TET2: variants seen among roughly 807,000 people sequenced by gnomAD.
The protein encoded by TET2 is methylcytosine dioxygenase TET2.
TET2 carries 299 observed loss-of-function variants against 142.9 expected under a neutral mutation model. The ratio of observed to expected loss-of-function variants is 2.09; its 90% CI spans 1.90 to 2.30. The LOEUF is 2.30. Ranked by LOEUF, TET2 falls within the 30% of genes most tolerant of loss-of-function variation. The pLI is 0.00. For synonymous variants in TET2, 819 were observed against 849.0 expected (o/e 0.96, Z 0.61); for missense variants, 2,418 against 2,378.0 (o/e 1.02, Z -0.35).
rs779248677 is a variant in TET2 at position 105,236,685 on chromosome 4, G to GCT, written c.2745_2746dup (p.Gln916LeufsTer6). 1 of 1,614,104 alleles carries GCT rather than the reference G, an allele frequency of 6.2e-7. No homozygotes were observed. ...GTCTGGTCAACAAGCTGCGCAACTTGCTCAGCAAAGGTACTTGATACATAA... is the reference window on the plus strand; with the variant it reads ...GTCTGGTCAACAAGCTGCGCAACTTGCTCTCAGCAAAGGTACTTGATACATAA... On this transcript the variant is annotated frameshift_variant, in exon 3 of 11. Coordinates refer to ENST00000380013, the MANE Select transcript of TET2 (RefSeq NM_001127208.3). LOFTEE classifies it high-confidence loss of function.
intron 9 of TET2, among the ~76,000 whole-genome samples, chr4:105,271,409 C>G (rs1364110192): frequency 2.0e-5 from 3 of 152,050 alleles, no homozygotes; most frequent in Non-Finnish European, 4.4e-5. Flanking sequence ...AGGAAGGTGA[C>G]AGAGAGTAAG....
chr4:105,246,095 G>A (rs1341859559), intron 6 of TET2, among the ~76,000 whole-genome samples: 2 of 152,056 alleles, frequency 1.3e-5, no homozygotes, highest in Non-Finnish European at 2.9e-5. Flanking sequence ...GCTCATTTTT[G>A]TATTTTTAGT....
chr4:105,153,694 A>G (rs1360057296), intron 1 of TET2, among the ~76,000 whole-genome samples: 1 of 152,246 alleles, frequency 6.6e-6, no homozygotes, highest in Non-Finnish European at 1.5e-5. Flanking sequence ...CTTAGCCAGC[A>G]TTTGAGTTAA....
intron 9 of TET2, among the ~76,000 whole-genome samples, chr4:105,271,882 T>C (rs1212470559): frequency 6.6e-6 from 1 of 152,212 alleles, no homozygotes; most frequent in East Asian, 1.9e-4. Context: ...TACCCACTTA[T>C]ATGGTCATAT....
Position 105,234,971 on chromosome 4 carries a change from C to T in TET2, c.1029C>T (p.Thr343=). 1 of 1,613,898 alleles carries T rather than the reference C, an allele frequency of 6.2e-7. No homozygotes were observed. Among genetic ancestry groups the T allele is most frequent in the Non-Finnish European group, 8.5e-7 (1 of 1,179,928 alleles). ...PSPAENNIQG[T]TKLASGEEFC... ...CTGCAGAAAATAACATCCAGGGAAC[C>T]ACAAAGCTAGCGTCTGGTGAAGAAT... is the stretch of plus-strand genomic sequence containing the variant. The change falls in exon 3 of 11, where the codon ACC becomes ACT. Residue 343 remains threonine (T), a synonymous_variant. Coordinates refer to ENST00000380013, the MANE Select transcript of TET2 (RefSeq NM_001127208.3).
intron 8 of TET2, among the ~76,000 whole-genome samples, chr4:105,267,590 T>C (rs1428954790): frequency 8.9e-6 from 1 of 111,770 alleles, no homozygotes; most frequent in African/African-American, 3.4e-5. Context: ...GACAGAAAAA[T>C]GAAATCAATC....
intron 2 of TET2, among the ~76,000 whole-genome samples, chr4:105,222,984 A>G (rs1055016766): frequency 6.6e-6 from 1 of 152,104 alleles, no homozygotes; most frequent in Non-Finnish European, 1.5e-5. Context: ...TCCTTTCCCC[A>G]TTTCTTGTTT....
chr4:105,186,322 C>A lies in TET2; in HGVS notation c.-192-4038C>A, dbSNP rs142921379. Among the ~76,000 whole-genome samples, 301 of 151,884 alleles carry A rather than the reference C, an allele frequency of 2.0e-3. 3 individuals carry two copies. Among genetic ancestry groups the A allele is most frequent in the African/African-American group, 7.2e-3 (296 of 41,376 alleles). ...CTCATCGGCTTAGATTTTTCTTTAACCCCCTTCATGGCCCTTATCTTAACC... is the reference window on the plus strand; with the variant it reads ...CTCATCGGCTTAGATTTTTCTTTAAACCCCTTCATGGCCCTTATCTTAACC... On this transcript the variant is annotated intron_variant, in intron 1 of 10. Transcript: ENST00000380013.
chr4:105,276,424 G>T lies in TET2; in HGVS notation c.5914G>T (p.Ala1972Ser). Residue 1972 changes from alanine (A) to serine (S), a missense_variant, in exon 11 of 11, where the codon GCC (alanine) becomes TCC (serine). Transcript: ENST00000380013. ...TTACCTGCGTTTCATCAAGTCTCTT[G>T]CCGAAAGGACCATGTCCGTGACCAC... ...PTYLRFIKSL[A>S]ERTMSVTTDS... The T allele has an allele frequency of 6.4e-7, 1 of 1,551,908 alleles. No homozygotes were observed. Among genetic ancestry groups the T allele is most frequent in the Non-Finnish European group, 8.7e-7 (1 of 1,147,028 alleles).
At chr4:105,158,181 G>A (rs566376528) in intron 1 of TET2, among the ~76,000 whole-genome samples, 125 of 152,104 alleles carry the variant, frequency 8.2e-4, no homozygotes, top group African/African-American at 2.8e-3. Flanking sequence ...ACACTTCTTG[G>A]GTTTTGTTGA....
chr4:105,234,735 A>C lies in TET2; in HGVS notation c.793A>C (p.Thr265Pro), dbSNP rs755442762. The C allele has an allele frequency of 1.2e-6, 2 of 1,613,944 alleles. No homozygotes were observed. The highest frequency in any genetic ancestry group is 2.2e-5 in the South Asian group (2 of 91,074). ...TACTAATGAGTTGTCCTGTGAGATCACTCACCCATCGCATACCTCAGGGCA... is the reference window on the plus strand; with the variant it reads ...TACTAATGAGTTGTCCTGTGAGATCCCTCACCCATCGCATACCTCAGGGCA... Reference protein sequence around the residue: ...QATNELSCEITHPSHTSGQIN... With the variant: ...QATNELSCEIPHPSHTSGQIN... The change falls in exon 3 of 11, where the codon ACT becomes CCT. Residue 265 changes from threonine to proline, a missense_variant. By Grantham distance (38) the Thr-to-Pro change is conservative. Transcript: ENST00000380013.
Position 105,276,700 on chromosome 4 carries a change from G to T in TET2, c.*181G>T. Reference sequence around the variant, plus strand: ...TTACCATAGCACTTAATTTTCACTGGCTCCCAAGTGGTCACAGATGGCATC... The same window carrying T: ...TTACCATAGCACTTAATTTTCACTGTCTCCCAAGTGGTCACAGATGGCATC... On this transcript the variant is annotated 3_prime_UTR_variant, in exon 11 of 11. Transcript: ENST00000380013. 3.1e-6 allele frequency: 2 copies of T among 647,264 alleles called. No individual in the cohort carries two copies. Among genetic ancestry groups the T allele is most frequent in the Non-Finnish European group, 5.0e-6 (2 of 402,904 alleles). 40.1% of individuals were successfully genotyped at this position (647,264 alleles called of 1,614,324 possible).
intron 3 of TET2, chr4:105,240,584 T>G (rs973889668): frequency 9.3e-7 from 1 of 1,079,414 alleles, no homozygotes; most frequent in African/African-American, 1.6e-5. Context: ...GGACTCCTAC[T>G]GTCCCTCTTT....
intron 1 of TET2, among the ~76,000 whole-genome samples, chr4:105,169,952 ATACCAGTACCATGCTGTTT>A (rs777758969): frequency 3.9e-5 from 6 of 151,990 alleles, no homozygotes; most frequent in Non-Finnish European, 8.8e-5. Context: ...ACCTATTTTT[ATACCAGTACCATGCTGTTT>A]TGGTGTCTAT....
chr4:105,256,272 A>G (rs1730126760), intron 6 of TET2, among the ~76,000 whole-genome samples: 2 of 152,190 alleles, frequency 1.3e-5, no homozygotes, highest in Non-Finnish European at 1.5e-5. Flanking sequence ...AGCCTGAAGT[A>G]TACATTTAGT....
intron 1 of TET2, among the ~76,000 whole-genome samples, chr4:105,188,011 A>G (rs996260194): frequency 1.6e-4 from 24 of 152,292 alleles, no homozygotes; most frequent in African/African-American, 5.5e-4. Flanking sequence ...TAGGGATTCC[A>G]CTCTCAAGAG....
At chr4:105,165,687 A>G (rs995606539) in intron 1 of TET2, among the ~76,000 whole-genome samples, 12 of 152,352 alleles carry the variant, frequency 7.9e-5, no homozygotes, top group Middle Eastern at 6.8e-3. Context: ...TGCCATGTAT[A>G]AGTTGGGATA....
chr4:105,234,612 G>A lies in TET2; in HGVS notation c.670G>A (p.Glu224Lys), dbSNP rs758723599. 4 of 1,614,046 alleles carry A rather than the reference G, an allele frequency of 2.5e-6. No homozygotes were observed. The highest frequency in any genetic ancestry group is 3.4e-6 in the Non-Finnish European group (4 of 1,179,994). ...CTCTTCCGTGGAACACACACATGGT[G>A]AACTCCTGGAAAAAACACTGTCTCA... ...SASSVEHTHG[E>K]LLEKTLSQYY... is the part of the protein sequence containing the mutation. The change falls in exon 3 of 11, where the codon GAA becomes AAA. Residue 224 changes from glutamate (E) to lysine (K), a missense_variant. Glu to Lys is a moderately conservative substitution (Grantham distance 56, BLOSUM62 1). Coordinates refer to ENST00000380013, the MANE Select transcript of TET2 (RefSeq NM_001127208.3).
chr4:105,148,510 A>G (rs998151032), intron 1 of TET2, among the ~76,000 whole-genome samples: 20 of 152,354 alleles, frequency 1.3e-4, no homozygotes, highest in African/African-American at 4.8e-4. Context: ...ATGATCCATC[A>G]TAGGAATAAG....
Sources: gnomAD v4.1 joint callset for allele counts (sites outside exome capture counted in the v4.1 genomes callset) on GRCh38, gnomAD v4.1.1 for gene constraint, MANE v1.5 for transcripts, NCBI Gene and HGNC (gene_info 2026-07-23, HGNC 2026-07-21) for gene names.